The following VWA3B variants were observed in gnomAD, a reference collection of about 807,000 sequenced individuals.
VWA3B encodes the protein von Willebrand factor A domain-containing protein 3B.
A neutral mutation model predicts 158.3 loss-of-function variants in VWA3B; 138 were observed. The observed-to-expected ratio is 0.87, with a 90% CI of 0.76 to 1.00. VWA3B has a LOEUF of 1.00. VWA3B is among the 50% of genes least tolerant of loss of function. The pLI is 0.00. For synonymous variants in VWA3B, 596 were observed against 587.3 expected, an observed-to-expected ratio of 1.01 and a Z score of -0.21; for missense variants, 1,555 against 1,565.1, an observed-to-expected ratio of 0.99 and a Z score of 0.11.
At chr2:98,147,195 T>G (rs1249682922) in intron 7 of VWA3B, among the ~76,000 whole-genome samples, 2 of 152,210 alleles carry the variant, frequency 1.3e-5, no homozygotes, top group African/African-American at 4.8e-5. Context: ...ATGTAATTAA[T>G]TAGAAACCAT....
chr2:98,186,476 A>C (rs1681068152), intron 9 of VWA3B, among the ~76,000 whole-genome samples: 1 of 151,926 alleles, frequency 6.6e-6, no homozygotes, highest in Non-Finnish European at 1.5e-5. Flanking sequence ...AACCTGATAC[A>C]TCAGATGGTA....
chr2:98,259,225 T>C lies in VWA3B; in HGVS notation c.2843+3051T>C, dbSNP rs959584492. On this transcript the variant is annotated intron_variant, in intron 21 of 27. Coordinates refer to ENST00000477737, the MANE Select transcript of VWA3B (RefSeq NM_144992.5). ...TTATAAAGAAAATGGTCTGTAGTTT[T>C]CTTTGACATGTTTGTCTGGCCTTGG... 5.9e-5 allele frequency among the ~76,000 whole-genome samples: 9 copies of C among 151,802 alleles called. 1 individual carries two copies. Among genetic ancestry groups the C allele is most frequent in the African/African-American group, 2.2e-4 (9 of 41,390 alleles).
At position 98,166,231 on chromosome 2, in the gene VWA3B, G is replaced by A. The variant is rs141715122; in HGVS notation, c.1114+3255G>A. On this transcript the variant is annotated intron_variant, in intron 8 of 27. Coordinates refer to ENST00000477737, the MANE Select transcript of VWA3B (RefSeq NM_144992.5). ...GCATGCCTTTAATCCCAGCCACTCA[G>A]GAGGCTGAGACACCAGAATCACTTG... Among the ~76,000 whole-genome samples, 826 of 152,276 alleles carry A rather than the reference G, an allele frequency of 5.4e-3. 9 individuals carry two copies. Among genetic ancestry groups the A allele is most frequent in the African/African-American group, 0.019 (794 of 41,538 alleles).
intron 5 of VWA3B, among the ~76,000 whole-genome samples, chr2:98,126,881 C>T (rs776418476): frequency 6.6e-6 from 1 of 152,036 alleles, no homozygotes; most frequent in African/African-American, 2.4e-5. Context: ...GCGTCCCACC[C>T]CTATCCCTTC....
chr2:98,205,966 T>G (rs1682981671), intron 12 of VWA3B, among the ~76,000 whole-genome samples: 1 of 152,228 alleles, frequency 6.6e-6, no homozygotes, highest in Non-Finnish European at 1.5e-5. Flanking sequence ...TATGCACATT[T>G]TCAATGTTTG....
chr2:98,300,163 A>C lies in VWA3B; in HGVS notation c.3367A>C (p.Lys1123Gln). The C allele has an allele frequency of 6.2e-7, 1 of 1,614,216 alleles. No homozygotes were observed. The change falls in exon 25 of 28, where the codon AAG (lysine) becomes CAG (glutamine). Residue 1123 changes from lysine to glutamine, a missense_variant. Coordinates refer to ENST00000477737, the MANE Select transcript of VWA3B (RefSeq NM_144992.5). ...VPAIVIALPN[K>Q]HVATEKFYTV... ...TGCCATTGTCATAGCACTTCCCAAT[A>C]AGCATGTGGCCACAGAAAAATTCTA...
At chr2:98,176,328 T>C (rs984875910) in intron 8 of VWA3B, among the ~76,000 whole-genome samples, 4 of 113,716 alleles carry the variant, frequency 3.5e-5, no homozygotes, top group Admixed American at 1.2e-4. Flanking sequence ...CCTCCCTCCC[T>C]CCCTCATCAT....
intron 7 of VWA3B, among the ~76,000 whole-genome samples, chr2:98,142,300 T>C (rs1490402525): frequency 6.6e-6 from 1 of 152,108 alleles, no homozygotes; most frequent in African/African-American, 2.4e-5. Context: ...CATGCAGGCT[T>C]CCTCCCAGGG....
At chr2:98,242,330 T>C (rs965519920) in intron 19 of VWA3B, 5 of 455,566 alleles carry the variant, frequency 1.1e-5, no homozygotes, top group Non-Finnish European at 1.8e-5. Flanking sequence ...CTAGCAACTC[T>C]TCATTACAAG....
At chr2:98,327,669 G>A in the VWA3B span, among the ~76,000 whole-genome samples, 1 of 152,262 alleles carries the variant, frequency 6.6e-6, no homozygotes, top group East Asian at 1.9e-4. Flanking sequence ...AACTGATGAA[G>A]GGCATGGTTA....
chr2:98,327,215 C>G, the VWA3B span, among the ~76,000 whole-genome samples: 1 of 151,922 alleles, frequency 6.6e-6, no homozygotes, highest in Non-Finnish European at 1.5e-5. Context: ...ATCACTTGAG[C>G]CAGGGAGGTT....
At chr2:98,315,779 T>A (rs1691073647), downstream of VWA3B, among the ~76,000 whole-genome samples, 1 of 152,220 alleles carries the variant, frequency 6.6e-6, no homozygotes, top group African/African-American at 2.4e-5. Context: ...AAATGATGTT[T>A]GCACATGATA....
intron 10 of VWA3B, 100 bp from the exon 11 acceptor site, chr2:98,192,798 C>G (rs1681702498): frequency 2.6e-6 from 4 of 1,512,770 alleles, no homozygotes; most frequent in Non-Finnish European, 3.7e-6. Context: ...AACAACATAG[C>G]GCAGCTCTGT....
At chr2:98,104,850 TA>T (rs1559535471) in intron 2 of VWA3B, among the ~76,000 whole-genome samples, 1 of 152,186 alleles carries the variant, frequency 6.6e-6, no homozygotes, top group Non-Finnish European at 1.5e-5. Flanking sequence ...TACAGTCCAC[TA>T]AAAGTAGATT....
At chr2:98,100,126 G>A (rs779553100) in intron 2 of VWA3B, among the ~76,000 whole-genome samples, 3 of 152,148 alleles carry the variant, frequency 2.0e-5, no homozygotes, top group Non-Finnish European at 4.4e-5. Context: ...TTCCTGGATC[G>A]TTCTTGATCC....
intron 23 of VWA3B, chr2:98,291,656 G>A (rs932622995): frequency 3.3e-5 from 5 of 152,224 alleles, no homozygotes; most frequent in African/African-American, 1.2e-4. Flanking sequence ...TGGATACCAA[G>A]GGGTTAGGAT....
intron 19 of VWA3B, among the ~76,000 whole-genome samples, chr2:98,242,816 T>G (rs1302362128): frequency 6.6e-6 from 1 of 151,102 alleles, no homozygotes; most frequent in Non-Finnish European, 1.5e-5. Flanking sequence ...AGCTCACCAT[T>G]TAGCTGACAA....
At chr2:98,098,047 C>T (rs1357215116) in intron 2 of VWA3B, among the ~76,000 whole-genome samples, 2 of 152,070 alleles carry the variant, frequency 1.3e-5, no homozygotes, top group Non-Finnish European at 2.9e-5. Flanking sequence ...CCTCCTAGTG[C>T]TGATTTCCAG....
chr2:98,139,351 C>T (rs1037262045), intron 7 of VWA3B, among the ~76,000 whole-genome samples: 1 of 152,254 alleles, frequency 6.6e-6, no homozygotes, highest in Admixed American at 6.5e-5. Context: ...TCCACGGTGC[C>T]CAGTCCCATC....
Sources: allele counts gnomAD v4.1 joint callset (sites outside exome capture counted in the v4.1 genomes callset), GRCh38; gene constraint gnomAD v4.1.1; transcripts MANE v1.5; gene names NCBI Gene and HGNC (gene_info 2026-07-23, HGNC 2026-07-21).